The following CDH13 variants were observed in gnomAD, a reference collection of about 807,000 sequenced individuals.
The protein encoded by CDH13 is cadherin 13, also known as cadherin-13.
A neutral mutation model predicts 63.8 loss-of-function variants in CDH13; 24 were observed. The observed-to-expected ratio is 0.38, with a 90% confidence interval of 0.27 to 0.53. The LOEUF is 0.53. Ranked by LOEUF, CDH13 falls within the 20% of genes least tolerant of loss-of-function variation. CDH13 has a pLI of 0.85. For synonymous variants in CDH13, 503 were observed against 355.3 expected (o/e 1.42, Z -4.67); for missense variants, 1,049 against 903.1 (o/e 1.16, Z -2.07).
chr16:83,219,480 G>A (rs1274655886), intron 5 of CDH13, among the ~76,000 whole-genome samples: 1 of 152,142 alleles, frequency 6.6e-6, no homozygotes, highest in Non-Finnish European at 1.5e-5. Flanking sequence ...TAATAATGAT[G>A]TCATAGGATT....
At chr16:83,705,349 C>G (rs1455637388) in intron 10 of CDH13, among the ~76,000 whole-genome samples, 1 of 152,076 alleles carries the variant, frequency 6.6e-6, no homozygotes, top group African/African-American at 2.4e-5. Context: ...AAGCCCGGGC[C>G]CGGTGGCTCA....
At chr16:83,263,701 C>G (rs1331333360) in intron 5 of CDH13, among the ~76,000 whole-genome samples, 2 of 152,230 alleles carry the variant, frequency 1.3e-5, no homozygotes, top group Admixed American at 6.5e-5. Flanking sequence ...TTTCTGTCAT[C>G]CAGGTTCTCA....
chr16:83,352,893 A>T (rs1261980995), intron 6 of CDH13, among the ~76,000 whole-genome samples: 4 of 152,232 alleles, frequency 2.6e-5, no homozygotes, highest in South Asian at 2.1e-4. Context: ...CCGTCTCAAA[A>T]AAATAAATAA....
chr16:83,280,566 C>T (rs1421707761), intron 5 of CDH13, among the ~76,000 whole-genome samples: 5 of 152,224 alleles, frequency 3.3e-5, no homozygotes, highest in Non-Finnish European at 5.9e-5. Context: ...ATATTTTGGC[C>T]TCTTATCATG....
chr16:83,523,814 C>G (rs982962392), intron 7 of CDH13, among the ~76,000 whole-genome samples: 5 of 152,206 alleles, frequency 3.3e-5, no homozygotes, highest in South Asian at 2.1e-4. Context: ...ACAACAGTCC[C>G]CATTTCAAAC....
At chr16:83,513,294 CAG>C (rs2074618067) in intron 7 of CDH13, among the ~76,000 whole-genome samples, 1 of 152,098 alleles carries the variant, frequency 6.6e-6, no homozygotes, top group Non-Finnish European at 1.5e-5. Context: ...GAGTGATGAA[CAG>C]AGAGGCAGGC....
chr16:83,707,836 C>CAAAACAAAA (rs1907339114), intron 10 of CDH13, among the ~76,000 whole-genome samples: 1 of 78,902 alleles, frequency 1.3e-5, no homozygotes, highest in African/African-American at 5.0e-5. Flanking sequence ...ACCCTAAAGG[C>CAAAACAAAA]AAAAAAAAAA....
chr16:83,730,245 C>T (rs979798624), intron 10 of CDH13, among the ~76,000 whole-genome samples: 1 of 152,132 alleles, frequency 6.6e-6, no homozygotes, highest in African/African-American at 2.4e-5. Context: ...TATTCTAAGG[C>T]CCTCTCTCAG....
At chr16:83,634,115 TTCTGTGTGTGTGTGTGTGTATGTGTGTG>T (rs1911030615) in intron 8 of CDH13, among the ~76,000 whole-genome samples, 1 of 135,680 alleles carries the variant, frequency 7.4e-6, no homozygotes, top group African/African-American at 2.9e-5. Flanking sequence ...TTTGTGTGTT[TTCTGTGTGTGTGTGTGTGTATGTGTGTG>T]TGTGTGTGTG....
chr16:82,763,366 C>G (rs1015711687), intron 1 of CDH13, among the ~76,000 whole-genome samples: 5 of 152,176 alleles, frequency 3.3e-5, no homozygotes, highest in African/African-American at 1.2e-4. Context: ...ACCTCCTCCT[C>G]TGGAATACAT....
intron 4 of CDH13, among the ~76,000 whole-genome samples, chr16:83,214,579 C>CAAAGAA (rs2039439158): frequency 2.5e-5 from 1 of 39,780 alleles, no homozygotes; most frequent in Admixed American, 4.8e-4. Context: ...GACTCTGTCT[C>CAAAGAA]AAAAAAAAAA....
intron 2 of CDH13, among the ~76,000 whole-genome samples, chr16:82,931,186 T>G (rs1249157968): frequency 6.6e-6 from 1 of 152,186 alleles, no homozygotes; most frequent in African/African-American, 2.4e-5. Context: ...GATTTCCCTC[T>G]CTCGTGTCAA....
Position 83,007,607 on chromosome 16 carries a change from A to T in CDH13, c.158-24403A>T, listed in dbSNP as rs575790722. 1.7e-3 allele frequency among the ~76,000 whole-genome samples: 266 copies of T among 152,176 alleles called. 2 individuals carry two copies. Among genetic ancestry groups the T allele is most frequent in the African/African-American group, 6.0e-3 (250 of 41,542 alleles). On this transcript the variant is annotated intron_variant, in intron 2 of 13. Transcript: ENST00000567109. ...CACTTTGGGAGGCTGGGGCAGGTGGATTGCTTGAGTCCAGGAGTTTGAGAC... is the reference window on the plus strand; with the variant it reads ...CACTTTGGGAGGCTGGGGCAGGTGGTTTGCTTGAGTCCAGGAGTTTGAGAC...
intron 6 of CDH13, among the ~76,000 whole-genome samples, chr16:83,485,128 G>C (rs977565689): frequency 2.0e-5 from 3 of 152,194 alleles, no homozygotes; most frequent in African/African-American, 7.2e-5. Flanking sequence ...CTCAGTGTGA[G>C]AATACTATCA....
At chr16:83,654,557 T>G (rs767489638) in intron 8 of CDH13, among the ~76,000 whole-genome samples, 1 of 152,054 alleles carries the variant, frequency 6.6e-6, no homozygotes, top group Non-Finnish European at 1.5e-5. Context: ...TCCTGCAGAT[T>G]GTTAGCCCCA....
intron 1 of CDH13, among the ~76,000 whole-genome samples, chr16:82,854,178 T>C (rs1470383225): frequency 6.6e-6 from 1 of 152,038 alleles, no homozygotes. Context: ...GGCAGGCGGA[T>C]CACGAGGTCA....
In CDH13 at chr16:83,406,722, T is replaced by C. The variant is rs2092053766; in HGVS notation, c.781+61716T>C. Among the ~76,000 whole-genome samples the C allele has an allele frequency of 2.0e-5, 3 of 152,114 alleles. No homozygotes were observed. The South Asian group carries it at 6.2e-4, about 31-fold the overall frequency. The stretch of plus-strand genomic sequence containing the variant: ...CTCAGGTGATCCACCCGCCTCAACC[T>C]CCCAAAGTGCTGGGATTACAGGTGT... On this transcript the variant is annotated intron_variant, in intron 6 of 13. Transcript: ENST00000567109.
rs550704384 is a variant in CDH13 at position 82,983,068 on chromosome 16, C to T, written c.158-48942C>T. On this transcript the variant is annotated intron_variant, in intron 2 of 13. Coordinates refer to ENST00000567109, the MANE Select transcript of CDH13 (RefSeq NM_001257.5). ...GCCCATGACAGTATTTGGGCTGACG[C>T]TATGGTTTTTATTATCTTTCCTCAC... Among the ~76,000 whole-genome samples the T allele has an allele frequency of 2.6e-5, 4 of 152,256 alleles. No homozygotes were observed. The South Asian group carries it at 8.3e-4, about 32-fold the overall frequency.
chr16:83,346,420 G>A (rs2090840501), intron 6 of CDH13, among the ~76,000 whole-genome samples: 1 of 152,218 alleles, frequency 6.6e-6, no homozygotes, highest in African/African-American at 2.4e-5. Flanking sequence ...AACCAATGAG[G>A]AAAGCGATTA....
Sources: allele counts gnomAD v4.1 joint callset (sites outside exome capture counted in the v4.1 genomes callset), GRCh38; gene constraint gnomAD v4.1.1; transcripts MANE v1.5; gene names NCBI Gene and HGNC (gene_info 2026-07-23, HGNC 2026-07-21).